TENM3: variants seen among roughly 807,000 people sequenced by gnomAD.
TENM3 encodes teneurin-3.
In TENM3, 63 loss-of-function variants were observed where a neutral mutation model predicts 255.1. That is an observed-to-expected ratio of 0.25 (90% CI 0.20 to 0.30). The LOEUF (loss-of-function observed/expected upper bound fraction) is 0.30. Among genes scored for constraint, TENM3 ranks in the 10% least tolerant of loss-of-function variants. TENM3 has a pLI of 1.00. For missense variants in TENM3, 2,929 were observed against 3,461.1 expected, an observed-to-expected ratio of 0.85 and a Z score of 3.86; for synonymous variants, 1,306 against 1,322.3, an observed-to-expected ratio of 0.99 and a Z score of 0.27.
chr4:182,241,870 C>G (rs377398107), upstream of TENM3, among the ~76,000 whole-genome samples: 1 of 151,944 alleles, frequency 6.6e-6, no homozygotes. Flanking sequence ...CTTTTAAAAA[C>G]GCTTCTCCAC....
At chr4:181,986,184 G>A in the TENM3 span, among the ~76,000 whole-genome samples, 3 of 151,756 alleles carry the variant, frequency 2.0e-5, no homozygotes, top group African/African-American at 4.8e-5. Flanking sequence ...ACTTCCTATC[G>A]CACTGACAAG....
At chr4:182,035,149 C>T in the TENM3 span, among the ~76,000 whole-genome samples, 5,913 of 152,220 alleles carry the variant, frequency 0.039, 380 homozygotes, top group African/African-American at 0.13. Flanking sequence ...TCAAATCCCA[C>T]CATACCTGAA....
At chr4:182,292,223 C>T (rs1172359377) in intron 1 of TENM3, among the ~76,000 whole-genome samples, 1 of 152,124 alleles carries the variant, frequency 6.6e-6, no homozygotes, top group Non-Finnish European at 1.5e-5. Flanking sequence ...CATATTGATA[C>T]CTGCAACTAA....
chr4:182,741,794 G>T (rs1561186914), intron 18 of TENM3, among the ~76,000 whole-genome samples: 1 of 152,096 alleles, frequency 6.6e-6, no homozygotes, highest in East Asian at 1.9e-4. Flanking sequence ...AATTTGCTAT[G>T]ATTATTACAT....
At chr4:182,386,717 C>T (rs1359097864) in intron 3 of TENM3, among the ~76,000 whole-genome samples, 2 of 152,238 alleles carry the variant, frequency 1.3e-5, no homozygotes, top group African/African-American at 2.4e-5. Context: ...AGAGGGTGTA[C>T]TGGGTCCCCC....
the TENM3 span, among the ~76,000 whole-genome samples, chr4:181,861,683 C>T: frequency 6.6e-6 from 1 of 152,070 alleles, no homozygotes; most frequent in African/African-American, 2.4e-5. Flanking sequence ...TAGCATTTAA[C>T]ATCTCAAACA....
chr4:181,473,786 T>G, the TENM3 span, among the ~76,000 whole-genome samples: 1 of 150,878 alleles, frequency 6.6e-6, no homozygotes, highest in Non-Finnish European at 1.5e-5. Flanking sequence ...CATACCTATG[T>G]ATGTGTACCC....
the TENM3 span, among the ~76,000 whole-genome samples, chr4:181,949,859 C>A: frequency 1.3e-5 from 2 of 152,134 alleles, no homozygotes; most frequent in African/African-American, 4.8e-5. Context: ...GACCTCTGAC[C>A]TCCAGGTCTT....
At chr4:182,313,979 T>G (rs1398132956) in intron 1 of TENM3, among the ~76,000 whole-genome samples, 1 of 152,202 alleles carries the variant, frequency 6.6e-6, no homozygotes, top group Admixed American at 6.5e-5. Flanking sequence ...ATAAATACAT[T>G]GATTTTCTTT....
At chr4:182,141,881 G>T (rs553858563), upstream of TENM3, 5 of 152,266 alleles carry the variant, frequency 3.3e-5, no homozygotes, top group South Asian at 6.2e-4. Flanking sequence ...CTTCAGTTCT[G>T]GCCTCTTTAG....
At chr4:182,625,825 G>C (rs990683977) in intron 4 of TENM3, among the ~76,000 whole-genome samples, 3 of 152,186 alleles carry the variant, frequency 2.0e-5, no homozygotes, top group Non-Finnish European at 4.4e-5. Context: ...CTGTTTCTAC[G>C]GGCTGCTGAG....
chr4:181,857,624 G>A, the TENM3 span, among the ~76,000 whole-genome samples: 2 of 150,266 alleles, frequency 1.3e-5, no homozygotes, highest in African/African-American at 5.0e-5. Context: ...CAGGCATAGT[G>A]GTGTGCACCT....
At chr4:181,815,423 A>C in the TENM3 span, among the ~76,000 whole-genome samples, 1 of 142,296 alleles carries the variant, frequency 7.0e-6, no homozygotes, top group Non-Finnish European at 1.5e-5. Context: ...AGATCATGCC[A>C]GTGCACTCCA....
At chr4:181,466,689 A>G in the TENM3 span, among the ~76,000 whole-genome samples, 1 of 152,148 alleles carries the variant, frequency 6.6e-6, no homozygotes, top group Non-Finnish European at 1.5e-5. Context: ...TACACATTTC[A>G]TATGGCTTTC....
chr4:181,904,036 G>A, the TENM3 span, among the ~76,000 whole-genome samples: 1 of 152,162 alleles, frequency 6.6e-6, no homozygotes, highest in East Asian at 1.9e-4. Context: ...TCTCCTCTTG[G>A]ATGTTCTTTG....
intron 3 of TENM3, chr4:182,548,608 T>A (rs1375541292): frequency 6.6e-6 from 1 of 152,166 alleles, no homozygotes; most frequent in Non-Finnish European, 1.5e-5. Context: ...GTGTGGGACA[T>A]TTGTTAACAC....
At chr4:181,808,916 G>A in the TENM3 span, among the ~76,000 whole-genome samples, 1 of 152,180 alleles carries the variant, frequency 6.6e-6, no homozygotes, top group East Asian at 1.9e-4. Flanking sequence ...TATTCTAGAT[G>A]AGATGTGTTA....
chr4:182,324,373 AT>A (rs1440482715), intron 2 of TENM3, 121 bp downstream of exon 2: 1 of 728,438 alleles, frequency 1.4e-6, no homozygotes, highest in Non-Finnish European at 2.4e-6. Flanking sequence ...GCTGATTCTG[AT>A]TTTGAGATAT....
At chr4:181,714,171 C>T in the TENM3 span, among the ~76,000 whole-genome samples, 1 of 152,152 alleles carries the variant, frequency 6.6e-6, no homozygotes, top group African/African-American at 2.4e-5. Flanking sequence ...TGCGGTGGCT[C>T]ATGCCTATAA....
Sources: allele counts gnomAD v4.1 joint callset (sites outside exome capture counted in the v4.1 genomes callset), GRCh38; gene constraint gnomAD v4.1.1; transcripts MANE v1.5; gene names NCBI Gene and HGNC (gene_info 2026-07-23, HGNC 2026-07-21).